Variants in DNAJC11 observed in about 807,000 individuals in gnomAD.
DNAJC11 encodes DnaJ heat shock protein family (Hsp40) member C11.
A neutral mutation model predicts 78.6 loss-of-function variants in DNAJC11; 15 were observed. The ratio of observed to expected loss-of-function variants is 0.19; its 90% CI spans 0.13 to 0.29. The LOEUF (loss-of-function observed/expected upper bound fraction) is 0.29, where lower values mean the gene tolerates loss of function less well. Among genes scored for constraint, DNAJC11 ranks in the 10% least tolerant of loss-of-function variants. The pLI is 1.00. For missense variants in DNAJC11, 547 were observed against 709.6 expected, an observed-to-expected ratio of 0.77 and a Z score of 2.60; for synonymous variants, 292 against 272.1, an observed-to-expected ratio of 1.07 and a Z score of -0.72.
At chr1:6,684,658 A>G (rs1216604647) in intron 1 of DNAJC11, among the ~76,000 whole-genome samples, 2 of 152,198 alleles carry the variant, frequency 1.3e-5, no homozygotes, top group African/African-American at 2.4e-5. Context: ...CCTTTCATTA[A>G]AACTGAATAG....
chr1:6,669,327 T>C (rs1048905263), intron 3 of DNAJC11, among the ~76,000 whole-genome samples: 3 of 150,824 alleles, frequency 2.0e-5, no homozygotes, highest in East Asian at 2.0e-4. Flanking sequence ...CTGGCCAACA[T>C]GGTGAAACCC....
chr1:6,664,165 G>A (rs928094681), intron 4 of DNAJC11, among the ~76,000 whole-genome samples: 1 of 152,096 alleles, frequency 6.6e-6, no homozygotes, highest in African/African-American at 2.4e-5. Flanking sequence ...CCATATCACA[G>A]TCAGCCATAC....
chr1:6,690,651 G>A (rs897040268), intron 1 of DNAJC11, among the ~76,000 whole-genome samples: 5 of 152,194 alleles, frequency 3.3e-5, no homozygotes, highest in Non-Finnish European at 4.4e-5. Context: ...TTGCCTGGGC[G>A]TGGTGGCTCA....
At chr1:6,682,877 A>T (rs948975651) in intron 1 of DNAJC11, among the ~76,000 whole-genome samples, 1 of 152,102 alleles carries the variant, frequency 6.6e-6, no homozygotes, top group Admixed American at 6.5e-5. Flanking sequence ...GTGAGCTATG[A>T]CTGCACCACT....
Position 6,644,655 on chromosome 1 carries a change from C to G in DNAJC11, c.1000G>C (p.Val334Leu). Residue 334 changes from valine to leucine, a missense_variant, in exon 10 of 16, where the codon GTG (valine) becomes CTG (leucine). Physicochemically the swap from Val to Leu is conservative, Grantham distance 32 (BLOSUM62 1). Transcript: ENST00000377577. Reference protein sequence around the residue: ...GSLKAGFFGTVVEYGAERKIS... With the variant: ...GSLKAGFFGTLVEYGAERKIS... ...TTCCTCTCAGCTCCGTACTCCACCA[C>G]CGTCCCAAAGAAGCCTGCTCTGCAG... is the stretch of plus-strand genomic sequence containing the variant. The G allele has an allele frequency of 6.2e-7, 1 of 1,614,216 alleles. No individual in the cohort carries two copies. The highest frequency in any genetic ancestry group is 1.1e-5 in the South Asian group (1 of 91,088).
intron 1 of DNAJC11, among the ~76,000 whole-genome samples, chr1:6,687,387 C>T (rs927814052): frequency 4.4e-5 from 6 of 137,192 alleles, no homozygotes; most frequent in South Asian, 2.6e-4. Context: ...GACAGAGTCT[C>T]GCTCTGTCGC....
At position 6,656,100 on chromosome 1, in the gene DNAJC11, T is replaced by TTAA. The variant is rs1553128291; in HGVS notation, c.379-2062_379-2061insTTA. On this transcript the variant is annotated intron_variant, in intron 4 of 15. Coordinates refer to ENST00000377577, the MANE Select transcript of DNAJC11 (RefSeq NM_018198.4). ...CTGGGCAACAGAACAAGACTCCGTCTAAAAAAAAAAAAAAAAAAAAAATTA... is the reference window on the plus strand; with the variant it reads ...CTGGGCAACAGAACAAGACTCCGTCTTAAAAAAAAAAAAAAAAAAAAAAAATTA... 1.5e-3 allele frequency among the ~76,000 whole-genome samples: 132 copies of TTAA among 88,862 alleles called. 2 individuals carry two copies. Among genetic ancestry groups the TTAA allele is most frequent in the Non-Finnish European group, 1.3e-3 (59 of 45,990 alleles). The allele number at this position is 88,862 out of a possible 152,430, so 58.3% of individuals were successfully genotyped here.
chr1:6,650,817 G>A (rs1447772768), intron 7 of DNAJC11, among the ~76,000 whole-genome samples: 1 of 151,536 alleles, frequency 6.6e-6, no homozygotes, highest in African/African-American at 2.4e-5. Context: ...AGGCTGCAGT[G>A]AGCCGAGATC....
In DNAJC11 at chr1:6,680,386, A is replaced by AT. The variant is rs1642533359; in HGVS notation, c.202+521dup. 6.6e-6 allele frequency among the ~76,000 whole-genome samples: 1 copy of AT among 152,254 alleles called. No individual in the cohort carries two copies. Among genetic ancestry groups the AT allele is most frequent in the South Asian group, 2.1e-4 (1 of 4,838 alleles). ...TGACTTTAATATTTTATAAACAAAT[A>AT]TATCACAGAATGTTCTTTCTGACAT... On this transcript the variant is annotated intron_variant, in intron 2 of 15. Coordinates refer to ENST00000377577, the MANE Select transcript of DNAJC11 (RefSeq NM_018198.4). The surrounding 1 kb of genome is among the most constrained non-coding windows in gnomAD (Gnocchi z 4.0).
intron 1 of DNAJC11, among the ~76,000 whole-genome samples, chr1:6,681,789 CT>C (rs1368548151): frequency 6.6e-6 from 1 of 152,140 alleles, no homozygotes; most frequent in Non-Finnish European, 1.5e-5. Flanking sequence ...GACAGGGCCC[CT>C]CAGAGGCCTT....
rs775201877 is a variant in DNAJC11, at chr1:6,638,360, A to G, written c.1258T>C (p.Leu420=). The change falls in exon 12 of 16, where the codon TTG becomes CTG. Residue 420 remains leucine (L), a synonymous_variant. Transcript: ENST00000377577. ...PYLRAQKEKE[L]EKQRESAATD... The stretch of plus-strand genomic sequence containing the variant: ...GCGGCGCTTTCCCTCTGCTTCTCCA[A>G]TTCCCTTACGCGAGAGGAACACAAG... 6 of 1,613,208 alleles carry G rather than the reference A, an allele frequency of 3.7e-6. No individual in the cohort carries two copies. Among genetic ancestry groups the G allele is most frequent in the East Asian group, 4.5e-5 (2 of 44,848 alleles).
At chr1:6,643,656 A>C in intron 10 of DNAJC11, among the ~76,000 whole-genome samples, 1 of 152,056 alleles carries the variant, frequency 6.6e-6, no homozygotes, top group Admixed American at 6.6e-5. Context: ...TGCCAATGGA[A>C]ACCCCTGGTG....
intron 6 of DNAJC11, 28 bp downstream of exon 6, chr1:6,652,801 A>G (rs1425369003): frequency 3.1e-6 from 5 of 1,613,900 alleles, no homozygotes; most frequent in Admixed American, 1.7e-5. Flanking sequence ...TGCACAGACA[A>G]CACAACTCAG....
At chr1:6,686,836 G>T (rs1277495560) in intron 1 of DNAJC11, among the ~76,000 whole-genome samples, 1 of 152,208 alleles carries the variant, frequency 6.6e-6, no homozygotes, top group East Asian at 1.9e-4. Context: ...GAATATTAAA[G>T]CCACCAGGTT....
chr1:6,671,101 A>G (rs1408228837), intron 3 of DNAJC11, among the ~76,000 whole-genome samples: 1 of 152,226 alleles, frequency 6.6e-6, no homozygotes, highest in Non-Finnish European at 1.5e-5. Flanking sequence ...TGACCATCCC[A>G]AGGACAAGGA....
intron 1 of DNAJC11, among the ~76,000 whole-genome samples, chr1:6,687,811 T>G (rs957452768): frequency 6.6e-6 from 1 of 152,156 alleles, no homozygotes; most frequent in Non-Finnish European, 1.5e-5. Flanking sequence ...AATGATGTAT[T>G]TGGAATCATA....
chr1:6,679,671 T>C (rs1416557989), intron 2 of DNAJC11, among the ~76,000 whole-genome samples: 1 of 152,262 alleles, frequency 6.6e-6, no homozygotes, highest in Non-Finnish European at 1.5e-5. Context: ...CAGCATTTAA[T>C]AAGGAATTAT....
intron 11 of DNAJC11, among the ~76,000 whole-genome samples, chr1:6,639,671 G>A (rs2148727257): frequency 6.6e-6 from 1 of 152,298 alleles, no homozygotes. Context: ...CTTTCTGAGA[G>A]TAAGATTTAC....
intron 6 of DNAJC11, 60 bp from the exon 7 acceptor site, chr1:6,651,662 G>A (rs1227315102): frequency 1.3e-5 from 17 of 1,341,808 alleles, no homozygotes; most frequent in South Asian, 2.4e-5. Flanking sequence ...CAGCAACCCA[G>A]GCTCAGGTAT....
Sources: allele counts gnomAD v4.1 joint callset (sites outside exome capture counted in the v4.1 genomes callset), GRCh38; gene constraint gnomAD v4.1.1; non-coding constraint Gnocchi (gnomAD v3.1); transcripts MANE v1.5; gene names NCBI Gene and HGNC (gene_info 2026-07-23, HGNC 2026-07-21).